The following IFI27 variants were observed in gnomAD, a reference collection of about 807,000 sequenced individuals.
The protein encoded by IFI27 is interferon alpha-inducible protein 27, mitochondrial.
In IFI27, 3 loss-of-function variants were observed where a neutral mutation model predicts 8.9. That is an observed-to-expected ratio of 0.34 (90% CI 0.15 to 0.87). The LOEUF (loss-of-function observed/expected upper bound fraction) is 0.87, where lower values mean the gene tolerates loss of function less well. IFI27 is among the 40% of genes least tolerant of loss of function. IFI27 has a pLI of 0.51. For missense variants in IFI27, 152 were observed against 157.7 expected (o/e 0.96, Z 0.19); for synonymous variants, 66 against 67.3 (o/e 0.98, Z 0.09).
At chr14:94,107,523 G>A (rs989469403), upstream of IFI27, among the ~76,000 whole-genome samples, 2 of 152,004 alleles carry the variant, frequency 1.3e-5, no homozygotes, top group African/African-American at 4.8e-5. Context: ...TTTGTGGCTC[G>A]CATTTGGGCA....
At chr14:94,115,875 C>A (rs202049406) in exon 4 of IFI27, 1 of 1,600,392 alleles carries the variant, frequency 6.2e-7, no homozygotes, top group Non-Finnish European at 8.5e-7. Context: ...AGATGATGTC[C>A]GCGGCGGCCA....
At chr14:94,115,564 A>G in intron 3 of IFI27, 1 of 613,160 alleles carries the variant, frequency 1.6e-6, no homozygotes, top group Non-Finnish European at 2.9e-6. Flanking sequence ...AGCTTGGCCC[A>G]GAGCCCTGTG....
At chr14:94,106,957 T>G (rs962073085), upstream of IFI27, among the ~76,000 whole-genome samples, 2 of 152,158 alleles carry the variant, frequency 1.3e-5, no homozygotes, top group African/African-American at 4.8e-5. Flanking sequence ...CATTGGAGGT[T>G]ACATTTTAGC....
intron 2 of IFI27, chr14:94,112,084 C>T (rs1887215629): frequency 2.1e-6 from 1 of 465,786 alleles, no homozygotes; most frequent in Admixed American, 3.4e-5. Flanking sequence ...CTCCCTTCCC[C>T]CAGATTCACC....
At chr14:94,115,609 C>T in intron 3 of IFI27, 172 bp from the exon 4 acceptor site, 1 of 668,732 alleles carries the variant, frequency 1.5e-6, no homozygotes. Flanking sequence ...CTCTACTTTC[C>T]CCGCCTGGCT....
At chr14:94,112,883 A>G (rs763565794) in intron 2 of IFI27, 2 of 152,278 alleles carry the variant, frequency 1.3e-5, no homozygotes, top group Non-Finnish European at 2.9e-5. Flanking sequence ...ATGAGCAAGC[A>G]AGGGCCTGGG....
chr14:94,108,130 T>C (rs150677109), upstream of IFI27, among the ~76,000 whole-genome samples: 1 of 152,342 alleles, frequency 6.6e-6, no homozygotes, highest in African/African-American at 2.4e-5. Flanking sequence ...AGAATGATGG[T>C]TTCCAGCTTC....
Position 94,116,093 on chromosome 14 carries a change from GA to G in IFI27, c.283+152del. ...TCTCAGGGTTTCTCTGAGGGAGATG[GA>G]GGAGGGAGGGAAGGAGCCCAAGCCA... On this transcript the variant is annotated intron_variant, in intron 4 of 4. Transcript: ENST00000621160. The surrounding 1 kb of genome is among the most constrained non-coding windows in gnomAD (Gnocchi z 4.3). 1.1e-6 allele frequency: 1 copy of G among 939,408 alleles called. No homozygotes were observed. Among genetic ancestry groups the G allele is most frequent in the African/African-American group, 1.6e-5 (1 of 61,912 alleles). 58.2% of individuals were successfully genotyped at this position (939,408 alleles called of 1,614,324 possible).
upstream of IFI27, chr14:94,105,933 C>T (rs892003824): frequency 6.6e-6 from 1 of 152,202 alleles, no homozygotes; most frequent in Non-Finnish European, 1.5e-5. Context: ...GCAAATATCT[C>T]TTTAAGATCC....
chr14:94,107,063 C>T, upstream of IFI27, among the ~76,000 whole-genome samples: 1 of 151,720 alleles, frequency 6.6e-6, no homozygotes, highest in East Asian at 1.9e-4. Flanking sequence ...TTATATATAT[C>T]ATTTATTATT....
rs111583638 is a variant in IFI27 at position 94,114,409 on chromosome 14, C to T, written c.92-442C>T. 5.7e-3 allele frequency: 1,007 copies of T among 178,148 alleles called. 15 individuals carry two copies. Among genetic ancestry groups the T allele is most frequent in the African/African-American group, 0.023 (961 of 42,608 alleles). 11.0% of individuals were successfully genotyped at this position (178,148 alleles called of 1,614,324 possible). A position where few individuals can be genotyped will look rare whatever the true frequency, so the allele number is the denominator to read the frequency against. On this transcript the variant is annotated intron_variant, in intron 2 of 4. Coordinates refer to ENST00000621160, the Ensembl canonical transcript of IFI27. ...CCATCCTGTTCACTTTTCCCTGCCC[C>T]GGTCAAACCACCAAGCCCTAGATTT...
chr14:94,111,936 G>A lies in IFI27; in HGVS notation c.91+163G>A. 1.5e-6 allele frequency: 1 copy of A among 667,468 alleles called. No homozygotes were observed. Among genetic ancestry groups the A allele is most frequent in the South Asian group, 1.7e-5 (1 of 57,882 alleles). 41.3% of individuals were successfully genotyped at this position (667,468 alleles called of 1,614,324 possible). A position where few individuals can be genotyped will look rare whatever the true frequency, so the allele number is the denominator to read the frequency against. ...GCGTCCACCCTAACTTTCCATCTGG[G>A]AGGGGGCCCGGGGCAGGCAGACTCT... is the stretch of plus-strand genomic sequence containing the variant. On this transcript the variant is annotated intron_variant, in intron 2 of 4. Transcript: ENST00000621160. This position sits in a 1 kb window ranked among gnomAD's most constrained non-coding sequence, Gnocchi z 4.3.
At chr14:94,109,473 C>T (rs767620241), upstream of IFI27, among the ~76,000 whole-genome samples, 2 of 152,076 alleles carry the variant, frequency 1.3e-5, no homozygotes, top group Non-Finnish European at 2.9e-5. Context: ...CTTACAAGAC[C>T]TGGCGAGTTC....
intron 3 of IFI27, 35 bp downstream of exon 3, chr14:94,114,915 T>G (rs1167283129): frequency 1.9e-6 from 3 of 1,603,172 alleles, no homozygotes; most frequent in Non-Finnish European, 2.6e-6. Context: ...AGTAACCACC[T>G]GCCCCTAGGG....
upstream of IFI27, among the ~76,000 whole-genome samples, chr14:94,108,199 T>C (rs1480031025): frequency 6.6e-6 from 1 of 152,224 alleles, no homozygotes; most frequent in Non-Finnish European, 1.5e-5. Flanking sequence ...TAGTATTCCA[T>C]GGTATATATG....
At chr14:94,108,971 A>G (rs547282814), upstream of IFI27, among the ~76,000 whole-genome samples, 3 of 152,260 alleles carry the variant, frequency 2.0e-5, no homozygotes, top group African/African-American at 7.2e-5. Context: ...GTTTTATGAA[A>G]GTTATGCAAG....
chr14:94,115,288 G>T (rs1887347334), intron 3 of IFI27: 1 of 534,406 alleles, frequency 1.9e-6, no homozygotes, highest in African/African-American at 1.9e-5. Flanking sequence ...ACATGAAAGA[G>T]ATGCCAGGGC....
chr14:94,112,530 CT>C (rs890258060), intron 2 of IFI27, among the ~76,000 whole-genome samples: 1 of 152,232 alleles, frequency 6.6e-6, no homozygotes, highest in African/African-American at 2.4e-5. Context: ...TGCCCTTTAC[CT>C]TTCTGTCTCC....
At chr14:94,114,736 C>A in intron 2 of IFI27, 115 bp from the exon 3 acceptor site, 1 of 1,055,968 alleles carries the variant, frequency 9.5e-7, no homozygotes, top group Non-Finnish European at 1.5e-6. Context: ...GTCATCCCTT[C>A]TTGTGGCTCC....
Sources: allele counts gnomAD v4.1 joint callset (sites outside exome capture counted in the v4.1 genomes callset), GRCh38; gene constraint gnomAD v4.1.1; non-coding constraint Gnocchi (gnomAD v3.1); transcripts MANE v1.5; gene names NCBI Gene and HGNC (gene_info 2026-07-23, HGNC 2026-07-21).